The following HPSE2 variants were observed in gnomAD, a reference collection of about 807,000 sequenced individuals.
HPSE2 encodes the protein inactive heparanase-2.
Under a neutral mutation model 60.5 loss-of-function variants are expected in HPSE2, and 38 were observed. The ratio of observed to expected loss-of-function variants is 0.63; its 90% CI spans 0.48 to 0.82. The LOEUF is 0.82. Among genes scored for constraint, HPSE2 ranks in the 40% least tolerant of loss-of-function variants. The pLI, the probability that HPSE2 is intolerant of heterozygous loss-of-function variation, is 0.00. For missense variants in HPSE2, 713 were observed against 740.4 expected (o/e 0.96, Z 0.43); for synonymous variants, 295 against 293.2 (o/e 1.01, Z -0.06).
At chr10:98,559,191 C>T (rs754961117) in intron 9 of HPSE2, among the ~76,000 whole-genome samples, 3 of 152,138 alleles carry the variant, frequency 2.0e-5, no homozygotes, top group Non-Finnish European at 4.4e-5. Context: ...CCACGCCTGG[C>T]TAATTTTTGT....
chr10:99,281,144 GTTAT>G, the HPSE2 span, among the ~76,000 whole-genome samples: 128,117 of 149,708 alleles, frequency 0.86, 55,182 homozygotes, highest in African/African-American at 0.92. Context: ...CATTGTGTAT[GTTAT>G]TTATTATTGT....
intron 3 of HPSE2, among the ~76,000 whole-genome samples, chr10:99,099,263 C>A (rs113301063): frequency 1.3e-5 from 2 of 152,110 alleles, no homozygotes; most frequent in African/African-American, 4.8e-5. Flanking sequence ...CTGTGACAGA[C>A]GGCACCTGGA....
upstream of HPSE2, among the ~76,000 whole-genome samples, chr10:99,239,023 G>A (rs776506761): frequency 6.6e-6 from 1 of 152,080 alleles, no homozygotes; most frequent in African/African-American, 2.4e-5. Flanking sequence ...GCTGGGCATG[G>A]TGGTGGGCAC....
intron 3 of HPSE2, among the ~76,000 whole-genome samples, chr10:99,037,251 T>G (rs1957630451): frequency 6.6e-6 from 1 of 152,150 alleles, no homozygotes; most frequent in South Asian, 2.1e-4. Flanking sequence ...TGTGGTATCC[T>G]GTATTAGATC....
intron 3 of HPSE2, among the ~76,000 whole-genome samples, chr10:99,035,266 T>C (rs1957584724): frequency 6.6e-6 from 1 of 152,214 alleles, no homozygotes; most frequent in Non-Finnish European, 1.5e-5. Flanking sequence ...AACGTTTTTC[T>C]ATTAATTTAA....
chr10:98,600,500 G>A (rs1006198885), intron 9 of HPSE2, among the ~76,000 whole-genome samples: 7 of 151,906 alleles, frequency 4.6e-5, no homozygotes, highest in Non-Finnish European at 1.0e-4. Flanking sequence ...CTTTTATTGA[G>A]TACCTACTGT....
At chr10:99,121,420 G>C (rs1844949008) in intron 3 of HPSE2, among the ~76,000 whole-genome samples, 1 of 151,684 alleles carries the variant, frequency 6.6e-6, no homozygotes, top group African/African-American at 2.4e-5. Context: ...TAACAAACCT[G>C]CACATGTACC....
intron 9 of HPSE2, among the ~76,000 whole-genome samples, chr10:98,584,320 G>A (rs1944882705): frequency 6.6e-6 from 1 of 152,156 alleles, no homozygotes; most frequent in Non-Finnish European, 1.5e-5. Context: ...CCCTGTGTAA[G>A]GGCAGAAATA....
chr10:98,598,566 T>G (rs1237999723), intron 9 of HPSE2, among the ~76,000 whole-genome samples: 1 of 152,088 alleles, frequency 6.6e-6, no homozygotes, highest in African/African-American at 2.4e-5. Flanking sequence ...GTCTGATACC[T>G]GGGTCCACAG....
intron 3 of HPSE2, among the ~76,000 whole-genome samples, chr10:99,049,954 T>C (rs1217644594): frequency 6.6e-6 from 1 of 152,190 alleles, no homozygotes; most frequent in South Asian, 2.1e-4. Flanking sequence ...CATTTCACTA[T>C]ATATAAATGG....
intron 6 of HPSE2, among the ~76,000 whole-genome samples, chr10:98,657,464 G>T (rs1017864158): frequency 1.3e-5 from 2 of 152,078 alleles, no homozygotes; most frequent in East Asian, 3.9e-4. Flanking sequence ...CCCCGCCCCA[G>T]TAGCTGGGAT....
intron 2 of HPSE2, among the ~76,000 whole-genome samples, chr10:99,217,216 G>C (rs1391709761): frequency 6.7e-6 from 1 of 149,174 alleles, no homozygotes; most frequent in Non-Finnish European, 1.5e-5. Flanking sequence ...AAGCTTTGCT[G>C]TTGCAAACTT....
At chr10:98,526,477 T>C (rs1942971051) in intron 9 of HPSE2, among the ~76,000 whole-genome samples, 1 of 152,234 alleles carries the variant, frequency 6.6e-6, no homozygotes, top group Admixed American at 6.5e-5. Context: ...GTATAAAGTT[T>C]AGCACTAGTT....
chr10:99,271,319 AG>A, the HPSE2 span, among the ~76,000 whole-genome samples: 1 of 152,254 alleles, frequency 6.6e-6, no homozygotes, highest in Non-Finnish European at 1.5e-5. Flanking sequence ...TACAGAAATC[AG>A]TAGCTCTGCT....
chr10:99,239,954 C>G (rs570264750), upstream of HPSE2, among the ~76,000 whole-genome samples: 1 of 151,876 alleles, frequency 6.6e-6, no homozygotes, highest in African/African-American at 2.4e-5. Flanking sequence ...TTTGAGAGGT[C>G]GAGGTGGGTG....
intron 3 of HPSE2, among the ~76,000 whole-genome samples, chr10:98,919,460 A>G (rs1374679237): frequency 6.6e-6 from 1 of 152,186 alleles, no homozygotes; most frequent in East Asian, 1.9e-4. Context: ...AAGGCAAACT[A>G]AACCGCGACA....
chr10:98,903,266 G>A (rs184854209), intron 3 of HPSE2, among the ~76,000 whole-genome samples: 1 of 152,052 alleles, frequency 6.6e-6, no homozygotes. Flanking sequence ...CTAGGCCTAG[G>A]GGAGTGGGGA....
chr10:99,295,754 T>A, the HPSE2 span, among the ~76,000 whole-genome samples: 1 of 152,212 alleles, frequency 6.6e-6, no homozygotes, highest in East Asian at 1.9e-4. Context: ...CTGAAAAACC[T>A]GAAACACTCC....
At chr10:98,701,538 C>G (rs1328364538) in intron 5 of HPSE2, among the ~76,000 whole-genome samples, 1 of 149,928 alleles carries the variant, frequency 6.7e-6, no homozygotes, top group Admixed American at 6.6e-5. Context: ...ATACCTAATG[C>G]TAAATGATGA....
Sources: gnomAD v4.1 joint callset for allele counts (sites outside exome capture counted in the v4.1 genomes callset) on GRCh38, gnomAD v4.1.1 for gene constraint, MANE v1.5 for transcripts, NCBI Gene and HGNC (gene_info 2026-07-23, HGNC 2026-07-21) for gene names.